The following MAGI2 variants were observed in gnomAD, a reference collection of about 807,000 sequenced individuals.
MAGI2 encodes membrane associated guanylate kinase, WW and PDZ domain containing 2.
In MAGI2, 35 loss-of-function variants were observed where a neutral mutation model predicts 133.3. That is an observed-to-expected ratio of 0.26 (90% CI 0.20 to 0.35). The LOEUF is 0.35. Ranked by LOEUF, MAGI2 falls within the 10% of genes least tolerant of loss-of-function variation. The probability of loss-of-function intolerance (pLI) is 1.00; values close to 1 mark genes in which losing one functional copy is unlikely to be tolerated. For synonymous variants in MAGI2, 729 were observed against 710.6 expected (o/e 1.03, Z -0.41); for missense variants, 1,636 against 1,863.4 (o/e 0.88, Z 2.25).
intron 21 of MAGI2, among the ~76,000 whole-genome samples, chr7:78,032,290 C>T (rs1288859202): frequency 1.3e-5 from 2 of 152,178 alleles, no homozygotes; most frequent in Non-Finnish European, 2.9e-5. Context: ...TTTCCACTCA[C>T]TGCAGTCTCA....
chr7:78,421,435 T>C (rs1211569032), intron 6 of MAGI2, among the ~76,000 whole-genome samples: 1 of 152,196 alleles, frequency 6.6e-6, no homozygotes, highest in Non-Finnish European at 1.5e-5. Context: ...TTGAAAAGAT[T>C]TACTTAAAAT....
At chr7:79,096,661 T>G (rs1421341592) in intron 1 of MAGI2, among the ~76,000 whole-genome samples, 2 of 152,188 alleles carry the variant, frequency 1.3e-5, no homozygotes, top group Admixed American at 6.5e-5. Context: ...TTCATGTGAT[T>G]CATGCCTTCC....
intron 2 of MAGI2, among the ~76,000 whole-genome samples, chr7:78,902,247 G>A (rs1264707618): frequency 6.6e-6 from 1 of 151,980 alleles, no homozygotes; most frequent in East Asian, 1.9e-4. Flanking sequence ...ATACTCCCTA[G>A]GACTGGGCCT....
intron 9 of MAGI2, among the ~76,000 whole-genome samples, chr7:78,329,115 T>G (rs1331148064): frequency 6.6e-6 from 1 of 152,192 alleles, no homozygotes; most frequent in African/African-American, 2.4e-5. Context: ...CACTCAAGAT[T>G]TACCATGTGT....
At chr7:78,164,561 G>T (rs922950366) in intron 15 of MAGI2, among the ~76,000 whole-genome samples, 3 of 152,222 alleles carry the variant, frequency 2.0e-5, no homozygotes, top group Admixed American at 2.0e-4. Flanking sequence ...AACAACAAGG[G>T]AATGCATTTA....
chr7:78,461,737 C>T (rs1297811459), intron 6 of MAGI2, among the ~76,000 whole-genome samples: 2 of 151,236 alleles, frequency 1.3e-5, no homozygotes, highest in Non-Finnish European at 2.9e-5. Context: ...CATGGAGAAA[C>T]CCCGTCTCTA....
intron 1 of MAGI2, among the ~76,000 whole-genome samples, chr7:79,292,242 T>C (rs1028100988): frequency 3.9e-5 from 6 of 152,188 alleles, no homozygotes; most frequent in Admixed American, 6.5e-5. Flanking sequence ...TAACATTTCA[T>C]TGGTCTGTAT....
In MAGI2 at chr7:78,926,721, G is replaced by C. The variant is rs148134884; in HGVS notation, c.418+80369C>G. On this transcript the variant is annotated intron_variant, in intron 2 of 21. Transcript: ENST00000354212. ...AAAATAAACTAAGAAATGAGTTAAT[G>C]ATTTATTTTTTCTCTGCAGTACTTA... Among the ~76,000 whole-genome samples the C allele has an allele frequency of 1.1e-4, 17 of 152,102 alleles. No homozygotes were observed. The East Asian group carries it at 3.3e-3, about 29-fold the overall frequency.
intron 1 of MAGI2, among the ~76,000 whole-genome samples, chr7:79,267,044 GGA>G (rs1175966211): frequency 6.6e-6 from 1 of 152,060 alleles, no homozygotes; most frequent in African/African-American, 2.4e-5. Flanking sequence ...TGAGGACCCT[GGA>G]GAGAGTCACA....
At chr7:79,181,531 A>T (rs185667795) in intron 1 of MAGI2, among the ~76,000 whole-genome samples, 23 of 151,830 alleles carry the variant, frequency 1.5e-4, no homozygotes, top group African/African-American at 5.6e-4. Flanking sequence ...CGGCCCACAA[A>T]ACTATTTTTT....
At chr7:78,420,472 T>G (rs1300960144) in intron 6 of MAGI2, among the ~76,000 whole-genome samples, 1 of 152,042 alleles carries the variant, frequency 6.6e-6, no homozygotes, top group Admixed American at 6.6e-5. Flanking sequence ...CTATTCAAAA[T>G]GAAACCTTAA....
At position 79,030,246 on chromosome 7, in the gene MAGI2, A is replaced by T. The variant is rs569992925; in HGVS notation, c.302-23040T>A. ...CAATTTTGCCAAGATTTCTGTGTTC[A>T]CATAGGCAGCACACATAGAACACTG... On this transcript the variant is annotated intron_variant, in intron 1 of 21. Transcript: ENST00000354212. 6.6e-5 allele frequency: 10 copies of T among 152,328 alleles called. No homozygotes were observed. The East Asian group carries it at 1.9e-3, about 29-fold the overall frequency. The allele number at this position is 152,328 out of a possible 1,614,324, so 9.4% of individuals were successfully genotyped here.
chr7:79,016,006 G>A lies in MAGI2; in HGVS notation c.302-8800C>T, dbSNP rs540955246. 1.2e-3 allele frequency among the ~76,000 whole-genome samples: 139 copies of A among 118,082 alleles called. 2 individuals carry two copies. The highest frequency in any genetic ancestry group is 8.2e-3 in the Middle Eastern group (2 of 244). 77.5% of individuals were successfully genotyped at this position (118,082 alleles called of 152,430 possible). A position where few individuals can be genotyped will look rare whatever the true frequency, so the allele number is the denominator to read the frequency against. On this transcript the variant is annotated intron_variant, in intron 1 of 21. Coordinates refer to ENST00000354212, the MANE Select transcript of MAGI2 (RefSeq NM_012301.4). ...AATGACTCCTGGAGAAGCGGGGGGGGGGGGTGGGGGTTGAGCAGGCAAGGA... is the reference window on the plus strand; with the variant it reads ...AATGACTCCTGGAGAAGCGGGGGGGAGGGGTGGGGGTTGAGCAGGCAAGGA...
chr7:78,537,934 G>T (rs941546356), intron 3 of MAGI2, among the ~76,000 whole-genome samples: 9 of 152,102 alleles, frequency 5.9e-5, no homozygotes, highest in African/African-American at 2.2e-4. Context: ...GTCTAGAAGG[G>T]TTTTTCCAAT....
At chr7:79,415,709 T>C (rs951608904) in intron 1 of MAGI2, 2 of 152,120 alleles carry the variant, frequency 1.3e-5, no homozygotes, top group Non-Finnish European at 2.9e-5. Context: ...GATTAAACAG[T>C]ACCAGATACA....
intron 14 of MAGI2, among the ~76,000 whole-genome samples, chr7:78,176,491 A>G (rs1291524621): frequency 6.6e-6 from 1 of 152,086 alleles, no homozygotes; most frequent in Non-Finnish European, 1.5e-5. Context: ...CTCCTCCCGC[A>G]GGGCAGAGGA....
chr7:78,523,149 G>C (rs192234512), intron 3 of MAGI2, among the ~76,000 whole-genome samples: 1 of 152,288 alleles, frequency 6.6e-6, no homozygotes, highest in East Asian at 1.9e-4. Flanking sequence ...ATAGAATTTA[G>C]GCTTGGCTTT....
chr7:78,681,226 C>T (rs1294044351), intron 2 of MAGI2, among the ~76,000 whole-genome samples: 1 of 150,014 alleles, frequency 6.7e-6, no homozygotes, highest in African/African-American at 2.5e-5. Flanking sequence ...ACCCACGGGT[C>T]AATAACCCCG....
chr7:79,182,478 G>C (rs1361286835), intron 1 of MAGI2, among the ~76,000 whole-genome samples: 3 of 151,886 alleles, frequency 2.0e-5, no homozygotes, highest in African/African-American at 7.3e-5. Flanking sequence ...CACCTCCCAC[G>C]GGGTACCTCC....
Sources: gnomAD v4.1 joint callset for allele counts (sites outside exome capture counted in the v4.1 genomes callset) on GRCh38, gnomAD v4.1.1 for gene constraint, MANE v1.5 for transcripts, NCBI Gene and HGNC (gene_info 2026-07-23, HGNC 2026-07-21) for gene names.